ADGRA2: variants seen among roughly 807,000 people sequenced by gnomAD.
ADGRA2 encodes the protein G-protein coupled receptor 124.
ADGRA2 carries 61 observed loss-of-function variants against 98.7 expected under a neutral mutation model. The ratio of observed to expected loss-of-function variants is 0.62; its 90% CI spans 0.50 to 0.76. The LOEUF is 0.76. Among genes scored for constraint, ADGRA2 ranks in the 30% least tolerant of loss-of-function variants. The probability of loss-of-function intolerance (pLI) is 0.00; values close to 1 mark genes in which losing one functional copy is unlikely to be tolerated. For missense variants in ADGRA2, 1,712 were observed against 1,860.0 expected (o/e 0.92, Z 1.46); for synonymous variants, 858 against 831.5 (o/e 1.03, Z -0.55).
In ADGRA2 at chr8:37,841,668, C is replaced by CGGGGAG. The variant is rs1482300876; in HGVS notation, c.3333_3338dup (p.Glu1112_Gly1113dup). 6.5e-7 allele frequency: 1 copy of CGGGGAG among 1,527,958 alleles called. No homozygotes were observed. Among genetic ancestry groups the CGGGGAG allele is most frequent in the Non-Finnish European group, 8.8e-7 (1 of 1,136,994 alleles). The allele number at this position is 1,527,958 out of a possible 1,614,324, so 94.7% of individuals were successfully genotyped here. A position where few individuals can be genotyped will look rare whatever the true frequency, so the allele number is the denominator to read the frequency against. On this transcript the variant is annotated inframe_insertion, in exon 19 of 19. Coordinates refer to ENST00000412232, the MANE Select transcript of ADGRA2 (RefSeq NM_032777.10). This position sits in a 1 kb window ranked among gnomAD's most constrained non-coding sequence, Gnocchi z 5.0. ...CCGCAGAGGACGGTTCCCCGGTGTT[C>CGGGGAG]GGGGAGGGCCCCCCCTCCCTCAAGT...
At chr8:37,838,805 A>T (rs1805696193) in intron 14 of ADGRA2, 151 bp from the exon 15 acceptor site, 19 of 840,186 alleles carry the variant, frequency 2.3e-5, no homozygotes, top group Non-Finnish European at 3.4e-5. Flanking sequence ...GCTTCCTAAG[A>T]GTGGACAGCC....
intron 8 of ADGRA2, among the ~76,000 whole-genome samples, chr8:37,832,297 CCCG>C (rs1805480212): frequency 6.6e-6 from 1 of 152,074 alleles, no homozygotes; most frequent in South Asian, 2.1e-4. Flanking sequence ...AAGTGATCCA[CCCG>C]CCTTGGCCTC....
At chr8:37,829,207 G>A (rs1805381026) in intron 3 of ADGRA2, 54 bp from the exon 4 acceptor site, 1 of 1,337,534 alleles carries the variant, frequency 7.5e-7, no homozygotes, top group Non-Finnish European at 1.1e-6. Flanking sequence ...CCTCACAAGT[G>A]GACCCACGTG....
In ADGRA2 at chr8:37,841,912, G is replaced by A. The variant is rs1321007827; in HGVS notation, c.3574G>A (p.Ala1192Thr). 1 of 1,527,972 alleles carries A rather than the reference G, an allele frequency of 6.5e-7. No individual in the cohort carries two copies. The highest frequency in any genetic ancestry group is 8.7e-7 in the Non-Finnish European group (1 of 1,144,404). 94.7% of individuals were successfully genotyped at this position (1,527,972 alleles called of 1,614,324 possible). Residue 1192 changes from alanine to threonine, a missense_variant, in exon 19 of 19, where the codon GCG becomes ACG. Transcript: ENST00000412232. This position sits in a 1 kb window ranked among gnomAD's most constrained non-coding sequence, Gnocchi z 5.0. ...AHKSRAKGHR[A>T]GEACGKNRLK... ...CAAGAGCCGGGCCAAGGGACACCGC[G>A]CGGGGGAGGCCTGCGGCAAGAACCG...
intron 13 of ADGRA2, among the ~76,000 whole-genome samples, chr8:37,837,081 G>A (rs199591243): frequency 8.5e-5 from 13 of 152,344 alleles, no homozygotes; most frequent in Middle Eastern, 6.8e-3. Flanking sequence ...AGAGCAGCTC[G>A]TTGTAAGTGA....
intron 17 of ADGRA2, 144 bp downstream of exon 17, chr8:37,840,410 C>T: frequency 2.3e-6 from 2 of 855,706 alleles, no homozygotes; most frequent in Non-Finnish European, 3.8e-6. Flanking sequence ...CTAGACTCAG[C>T]AGGTCACACA....
intron 1 of ADGRA2, among the ~76,000 whole-genome samples, chr8:37,801,580 AG>A (rs1804508015): frequency 1.3e-5 from 2 of 152,212 alleles, no homozygotes; most frequent in South Asian, 4.1e-4. Flanking sequence ...TAACTCCAGA[AG>A]GAAATCTATA....
At chr8:37,827,327 G>A (rs1805309979) in intron 2 of ADGRA2, among the ~76,000 whole-genome samples, 1 of 152,242 alleles carries the variant, frequency 6.6e-6, no homozygotes, top group African/African-American at 2.4e-5. Context: ...TTGGTCTTCT[G>A]TGGTCCTGCC....
chr8:37,823,190 C>CTT (rs34242233), intron 2 of ADGRA2, among the ~76,000 whole-genome samples: 40 of 130,060 alleles, frequency 3.1e-4, no homozygotes, highest in Non-Finnish European at 4.4e-4. Context: ...CATGCCCAAC[C>CTT]TTTTTTTTTT....
chr8:37,810,272 AAGAT>A (rs1235839972), intron 1 of ADGRA2, among the ~76,000 whole-genome samples: 3 of 152,012 alleles, frequency 2.0e-5, no homozygotes, highest in Non-Finnish European at 4.4e-5. Context: ...GCACTTTAGG[AAGAT>A]GAGGCGGGCG....
rs567913476 is a variant in ADGRA2 at position 37,820,297 on chromosome 8, C to T, written c.338+5330C>T. Among the ~76,000 whole-genome samples the T allele has an allele frequency of 1.1e-4, 17 of 152,332 alleles. No homozygotes were observed. The South Asian group carries it at 3.5e-3, about 32-fold the overall frequency. On this transcript the variant is annotated intron_variant, in intron 2 of 18. Coordinates refer to ENST00000412232, the MANE Select transcript of ADGRA2 (RefSeq NM_032777.10). ...TACTATAGCCTTTGTCAAGCTGACA[C>T]AAAACTAACCATCACAACCACTATC... is the stretch of plus-strand genomic sequence containing the variant.
rs561375650 is a variant in ADGRA2, at chr8:37,802,046, G to T, written c.266+4512G>T. Among the ~76,000 whole-genome samples the T allele has an allele frequency of 3.9e-5, 6 of 152,334 alleles. No homozygotes were observed. The East Asian group carries it at 1.2e-3, about 29-fold the overall frequency. On this transcript the variant is annotated intron_variant, in intron 1 of 18. Transcript: ENST00000412232. This position sits in a 1 kb window ranked among gnomAD's most constrained non-coding sequence, Gnocchi z 4.7. ...AGGCTGCCCACCTAGGGGAGAAGAG[G>T]CTGTCTGCCGCAGGTGTGCCTAGCA... is the stretch of plus-strand genomic sequence containing the variant.
In ADGRA2 at chr8:37,844,753, G is replaced by A; in HGVS notation, c.*2398G>A. The A allele has an allele frequency of 6.2e-7, 1 of 1,613,938 alleles. No individual in the cohort carries two copies. The highest frequency in any genetic ancestry group is 8.5e-7 in the Non-Finnish European group (1 of 1,179,982). ...TTATTTCCCACCTCCCCTTCTCCTT[G>A]CCCCTGTCCCCACCCCGGTGGCTCC... On this transcript the variant is annotated 3_prime_UTR_variant, in exon 19 of 19. Coordinates refer to ENST00000412232, the MANE Select transcript of ADGRA2 (RefSeq NM_032777.10).
chr8:37,835,517 G>T, intron 12 of ADGRA2, 37 bp from the exon 13 acceptor site: 1 of 1,510,060 alleles, frequency 6.6e-7, no homozygotes, highest in Non-Finnish European at 9.2e-7. Flanking sequence ...GCTCTAGGGG[G>T]TCCTGGTGTC....
At position 37,802,621 on chromosome 8, in the gene ADGRA2, A is replaced by C. The variant is rs1476274552; in HGVS notation, c.266+5087A>C. Among the ~76,000 whole-genome samples, 4 of 152,304 alleles carry C rather than the reference A, an allele frequency of 2.6e-5. No individual in the cohort carries two copies. The highest frequency in any genetic ancestry group is 2.1e-4 in the South Asian group (1 of 4,832). ...CTCGCCTGTTCAAAGGCAGGGGCCC[A>C]GCAGAAACCTCAGTCTCTCCTGGAC... is the stretch of plus-strand genomic sequence containing the variant. On this transcript the variant is annotated intron_variant, in intron 1 of 18. Coordinates refer to ENST00000412232, the MANE Select transcript of ADGRA2 (RefSeq NM_032777.10). The surrounding 1 kb of genome is among the most constrained non-coding windows in gnomAD (Gnocchi z 4.7).
intron 17 of ADGRA2, 149 bp downstream of exon 17, chr8:37,840,415 C>A: frequency 1.2e-6 from 1 of 814,320 alleles, no homozygotes; most frequent in Non-Finnish European, 2.0e-6. Context: ...CTCAGCAGGT[C>A]ACACAAGACC....
Position 37,841,131 on chromosome 8 carries a change from T to G in ADGRA2, c.2793T>G (p.Pro931=). Reference sequence around the variant, plus strand: ...CAAGCCTTGGCGCCTTCTACATCCCTGTGGCTTTGATTCTGCTCATCACCT... The same window carrying G: ...CAAGCCTTGGCGCCTTCTACATCCCGGTGGCTTTGATTCTGCTCATCACCT... ...WRPSLGAFYI[P]VALILLITWI... is the part of the protein sequence containing the mutation. The change falls in exon 19 of 19, where the codon CCT becomes CCG. Residue 931 remains proline, a synonymous_variant. Coordinates refer to ENST00000412232, the MANE Select transcript of ADGRA2 (RefSeq NM_032777.10). The surrounding 1 kb of genome is among the most constrained non-coding windows in gnomAD (Gnocchi z 5.0). 6.2e-7 allele frequency: 1 copy of G among 1,608,000 alleles called. No homozygotes were observed.
At chr8:37,800,604 T>A (rs768085873) in intron 1 of ADGRA2, among the ~76,000 whole-genome samples, 1 of 152,120 alleles carries the variant, frequency 6.6e-6, no homozygotes, top group Non-Finnish European at 1.5e-5. Context: ...AGGAGGATCT[T>A]GGTTCTGAAC....
intron 4 of ADGRA2, 21 bp downstream of exon 4, chr8:37,829,353 TG>T: frequency 6.2e-7 from 1 of 1,605,084 alleles, no homozygotes; most frequent in Non-Finnish European, 8.5e-7. Context: ...GGGTGAGAAG[TG>T]GGGAGGGGAG....
Sources: allele counts gnomAD v4.1 joint callset (sites outside exome capture counted in the v4.1 genomes callset), GRCh38; gene constraint gnomAD v4.1.1; non-coding constraint Gnocchi (gnomAD v3.1); transcripts MANE v1.5; gene names NCBI Gene and HGNC (gene_info 2026-07-23, HGNC 2026-07-21).